Variants in SPHK1 observed in about 807,000 individuals in gnomAD.
SPHK1 encodes the protein sphingosine kinase 1.
SPHK1 carries 10 observed loss-of-function variants against 14.6 expected under a neutral mutation model. The ratio of observed to expected loss-of-function variants is 0.68; its 90% CI spans 0.42 to 1.16. The LOEUF is 1.16. SPHK1 is among the 50% of genes most tolerant of loss of function. The probability of loss-of-function intolerance (pLI) is 0.00; values close to 1 mark genes in which losing one functional copy is unlikely to be tolerated. For synonymous variants in SPHK1, 274 were observed against 224.0 expected (o/e 1.22, Z -1.99); for missense variants, 553 against 525.4 (o/e 1.05, Z -0.51).
rs750596373 is a variant in SPHK1, at chr17:76,386,908, G to A, written c.477G>A (p.Ser159=). The change falls in exon 6 of 6, where the codon TCG becomes TCA. Residue 159 remains serine, a synonymous_variant. Coordinates refer to ENST00000592299, the MANE Select transcript of SPHK1 (RefSeq NM_001142601.2). This position sits in a 1 kb window ranked among gnomAD's most constrained non-coding sequence, Gnocchi z 5.3. ...ACCTGCTGTCTCTGCACACGGCTTCGGGGCTGCGCCTCTTCTCTGTGCTCA... is the reference window on the plus strand; with the variant it reads ...ACCTGCTGTCTCTGCACACGGCTTCAGGGCTGCGCCTCTTCTCTGTGCTCA... ...PMNLLSLHTA[S]GLRLFSVLSL... The A allele has an allele frequency of 3.1e-6, 5 of 1,612,438 alleles. No individual in the cohort carries two copies. The highest frequency in any genetic ancestry group is 4.2e-6 in the Non-Finnish European group (5 of 1,179,204).
Position 76,385,181 on chromosome 17 carries a change from G to C in SPHK1, c.-194-270G>C. 6.3e-7 allele frequency: 1 copy of C among 1,579,874 alleles called. No individual in the cohort carries two copies. Among genetic ancestry groups the C allele is most frequent in the Non-Finnish European group, 8.6e-7 (1 of 1,164,306 alleles). ...GGCAGCCCCGAGGGGTGAGGAGCTA[G>C]TCCGTCGGAGGGAGCCACGGGGCTC... On this transcript the variant is annotated intron_variant, in intron 1 of 5. Coordinates refer to ENST00000592299, the MANE Select transcript of SPHK1 (RefSeq NM_001142601.2). The surrounding 1 kb of genome is among the most constrained non-coding windows in gnomAD (Gnocchi z 5.3).
Position 76,386,288 on chromosome 17 carries a change from C to T in SPHK1, c.231C>T (p.Val77=), listed in dbSNP as rs745613744. 1 of 1,602,050 alleles carries T rather than the reference C, an allele frequency of 6.2e-7. No homozygotes were observed. The highest frequency in any genetic ancestry group is 2.2e-5 in the East Asian group (1 of 44,730). ...TGGGCCGCTGGGACGCTCTGGTGGT[C>T]ATGTCTGGAGACGGGCTGATGCACG... ...EELGRWDALV[V]MSGDGLMHEV... The change falls in exon 4 of 6, where the codon GTC becomes GTT. Residue 77 remains valine (V), a synonymous_variant. Transcript: ENST00000592299. This position sits in a 1 kb window ranked among gnomAD's most constrained non-coding sequence, Gnocchi z 5.3.
Position 76,387,111 on chromosome 17 carries a change from T to C in SPHK1, c.680T>C (p.Val227Ala). The part of the protein sequence containing the change: ...RVGSKTPASP[V>A]VVQQGPVDAH... ...GGTTCCAAGACACCTGCCTCCCCCGTTGTGGTCCAGCAGGGCCCGGTAGAT... is the reference window on the plus strand; with the variant it reads ...GGTTCCAAGACACCTGCCTCCCCCGCTGTGGTCCAGCAGGGCCCGGTAGAT... Residue 227 changes from valine (V) to alanine (A), a missense_variant, in exon 6 of 6, where the codon GTT becomes GCT. Coordinates refer to ENST00000592299, the MANE Select transcript of SPHK1 (RefSeq NM_001142601.2). The surrounding 1 kb of genome is among the most constrained non-coding windows in gnomAD (Gnocchi z 4.1). 1.2e-6 allele frequency: 2 copies of C among 1,613,216 alleles called. No individual in the cohort carries two copies. Among genetic ancestry groups the C allele is most frequent in the Non-Finnish European group, 8.5e-7 (1 of 1,180,012 alleles).
In SPHK1 at chr17:76,386,526, G is replaced by C. The variant is rs2071987456; in HGVS notation, c.374+18G>C. On this transcript the variant is annotated intron_variant, in intron 5 of 5. Coordinates refer to ENST00000592299, the MANE Select transcript of SPHK1 (RefSeq NM_001142601.2). The surrounding 1 kb of genome is among the most constrained non-coding windows in gnomAD (Gnocchi z 5.3). ...TATGCTGGGTGAGAGCCCAGGGCCA[G>C]AGTAGGCCTGTTTCCCGTCAGTGCT... The C allele has an allele frequency of 6.2e-7, 1 of 1,602,226 alleles. No individual in the cohort carries two copies. Among genetic ancestry groups the C allele is most frequent in the Non-Finnish European group, 8.5e-7 (1 of 1,173,486 alleles).
chr17:76,386,301 G>A lies in SPHK1; in HGVS notation c.244G>A (p.Gly82Arg), dbSNP rs748242677. 5.6e-6 allele frequency: 9 copies of A among 1,603,906 alleles called. No individual in the cohort carries two copies. In the South Asian group the frequency reaches 7.7e-5, roughly 14 times the overall value. Residue 82 changes from glycine (G) to arginine (R), a missense_variant, in exon 4 of 6, where the codon GGG (glycine) becomes AGG (arginine). Physicochemically the swap from Gly to Arg is moderately radical, Grantham distance 125. Coordinates refer to ENST00000592299, the MANE Select transcript of SPHK1 (RefSeq NM_001142601.2). This position sits in a 1 kb window ranked among gnomAD's most constrained non-coding sequence, Gnocchi z 5.3. ...CGCTCTGGTGGTCATGTCTGGAGAC[G>A]GGCTGATGCACGAGGTGAGGACCGC... ...WDALVVMSGDGLMHEVVNGLM... is the reference protein window; with the variant it reads ...WDALVVMSGDRLMHEVVNGLM...
At position 76,386,073 on chromosome 17, in the gene SPHK1, C is replaced by A. The variant is rs746558605; in HGVS notation, c.99C>A (p.Leu33=). 3 of 1,606,970 alleles carry A rather than the reference C, an allele frequency of 1.9e-6. No individual in the cohort carries two copies. Among genetic ancestry groups the A allele is most frequent in the East Asian group, 2.2e-5 (1 of 44,702 alleles). Residue 33 remains leucine (L), a synonymous_variant, in exon 3 of 6, where the codon CTC becomes CTA. Coordinates refer to ENST00000592299, the MANE Select transcript of SPHK1 (RefSeq NM_001142601.2). This position sits in a 1 kb window ranked among gnomAD's most constrained non-coding sequence, Gnocchi z 5.3. ...GCGGCAAGGGCAAGGCCTTGCAGCT[C>A]TTCCGGAGTCACGTGCAGCCCCTTT... ...PRGGKGKALQ[L]FRSHVQPLLA... is the part of the protein sequence containing the mutation.
Position 76,387,009 on chromosome 17 carries a change from C to T in SPHK1, c.578C>T (p.Thr193Ile). Residue 193 changes from threonine (T) to isoleucine (I), a missense_variant, in exon 6 of 6, where the codon ACT becomes ATT. Physicochemically the swap from Thr to Ile is moderately conservative, Grantham distance 89. Coordinates refer to ENST00000592299, the MANE Select transcript of SPHK1 (RefSeq NM_001142601.2). The surrounding 1 kb of genome is among the most constrained non-coding windows in gnomAD (Gnocchi z 4.1). ...CGGCGTCTGGGGGAGATGCGCTTCA[C>T]TCTGGGCACCTTCCTGCGTCTGGCA... ...KYRRLGEMRF[T>I]LGTFLRLAAL... The T allele has an allele frequency of 1.2e-6, 2 of 1,613,656 alleles. No homozygotes were observed. The highest frequency in any genetic ancestry group is 1.7e-6 in the Non-Finnish European group (2 of 1,179,990).
At position 76,387,288 on chromosome 17, in the gene SPHK1, A is replaced by T; in HGVS notation, c.857A>T (p.His286Leu). Residue 286 changes from histidine (H) to leucine (L), a missense_variant, in exon 6 of 6, where the codon CAT becomes CTT. Physicochemically the swap from His to Leu is moderately conservative, Grantham distance 99. Coordinates refer to ENST00000592299, the MANE Select transcript of SPHK1 (RefSeq NM_001142601.2). This position sits in a 1 kb window ranked among gnomAD's most constrained non-coding sequence, Gnocchi z 4.1. The part of the protein sequence containing the change: ...PMGRCAAGVM[H>L]LFYVRAGVSR... ...GGCCGCTGTGCAGCTGGCGTCATGC[A>T]TCTGTTCTACGTGCGGGCGGGAGTG... 6.2e-7 allele frequency: 1 copy of T among 1,613,460 alleles called. No homozygotes were observed. The highest frequency in any genetic ancestry group is 8.5e-7 in the Non-Finnish European group (1 of 1,179,940).
Position 76,385,188 on chromosome 17 carries a change from G to C in SPHK1, c.-194-263G>C, listed in dbSNP as rs1222907692. 1 of 1,574,372 alleles carries C rather than the reference G, an allele frequency of 6.4e-7. No individual in the cohort carries two copies. Among genetic ancestry groups the C allele is most frequent in the African/African-American group, 1.3e-5 (1 of 74,250 alleles). ...CCGAGGGGTGAGGAGCTAGTCCGTCGGAGGGAGCCACGGGGCTCTGACTCA... is the reference window on the plus strand; with the variant it reads ...CCGAGGGGTGAGGAGCTAGTCCGTCCGAGGGAGCCACGGGGCTCTGACTCA... On this transcript the variant is annotated intron_variant, in intron 1 of 5. Coordinates refer to ENST00000592299, the MANE Select transcript of SPHK1 (RefSeq NM_001142601.2). The surrounding 1 kb of genome is among the most constrained non-coding windows in gnomAD (Gnocchi z 5.3).
In SPHK1 at chr17:76,387,414, G is replaced by A. The variant is rs1299687608; in HGVS notation, c.983G>A (p.Arg328His). Residue 328 changes from arginine to histidine, a missense_variant, in exon 6 of 6, where the codon CGC (arginine) becomes CAC (histidine). Coordinates refer to ENST00000592299, the MANE Select transcript of SPHK1 (RefSeq NM_001142601.2). This position sits in a 1 kb window ranked among gnomAD's most constrained non-coding sequence, Gnocchi z 4.1. Reference protein sequence around the residue: ...YLVYVPVVAFRLEPKDGKGVF... With the variant: ...YLVYVPVVAFHLEPKDGKGVF... The stretch of plus-strand genomic sequence containing the variant: ...GTATATGTGCCCGTGGTCGCCTTCC[G>A]CTTGGAGCCCAAGGATGGGAAAGGT... The A allele has an allele frequency of 3.7e-6, 6 of 1,613,634 alleles. No homozygotes were observed. Among genetic ancestry groups the A allele is most frequent in the East Asian group, 4.5e-5 (2 of 44,868 alleles).
chr17:76,385,491 C>T lies in SPHK1; in HGVS notation c.-154C>T. 6.4e-7 allele frequency: 1 copy of T among 1,557,862 alleles called. No individual in the cohort carries two copies. The highest frequency in any genetic ancestry group is 8.6e-7 in the Non-Finnish European group (1 of 1,159,674). On this transcript the variant is annotated 5_prime_UTR_variant, in exon 2 of 6. Transcript: ENST00000592299. This position sits in a 1 kb window ranked among gnomAD's most constrained non-coding sequence, Gnocchi z 5.3. ...GGAATGACGCCGGTGCTCCTGCAGC[C>T]ACGGCTCCGGGCGGGGAAGGCGAGC...
At chr17:76,383,635 G>A (rs2071906889), upstream of SPHK1, 2 of 342,672 alleles carry the variant, frequency 5.8e-6, no homozygotes, top group South Asian at 4.0e-5. Context: ...TCACCAATGG[G>A]CCTTGGCAAC....
Position 76,386,052 on chromosome 17 carries a change from C to T in SPHK1, c.78C>T (p.Gly26=). 1 of 1,608,572 alleles carries T rather than the reference C, an allele frequency of 6.2e-7. No homozygotes were observed. The highest frequency in any genetic ancestry group is 8.5e-7 in the Non-Finnish European group (1 of 1,177,676). ...RVLVLLNPRG[G]KGKALQLFRS... The stretch of plus-strand genomic sequence containing the variant: ...TGGTGCTGCTGAACCCGCGCGGCGG[C>T]AAGGGCAAGGCCTTGCAGCTCTTCC... The change falls in exon 3 of 6, where the codon GGC becomes GGT. Residue 26 remains glycine, a synonymous_variant. Coordinates refer to ENST00000592299, the MANE Select transcript of SPHK1 (RefSeq NM_001142601.2). The surrounding 1 kb of genome is among the most constrained non-coding windows in gnomAD (Gnocchi z 5.3).
rs145677246 is a variant in SPHK1, at chr17:76,386,970, A to G, written c.539A>G (p.Glu180Gly). 1.2e-6 allele frequency: 2 copies of G among 1,613,486 alleles called. No homozygotes were observed. The highest frequency in any genetic ancestry group is 1.7e-6 in the Non-Finnish European group (2 of 1,179,926). Residue 180 changes from glutamate (E) to glycine (G), a missense_variant, in exon 6 of 6, where the codon GAG (glutamate) becomes GGG (glycine). By Grantham distance (98) the Glu-to-Gly change is moderately conservative. Transcript: ENST00000592299. The surrounding 1 kb of genome is among the most constrained non-coding windows in gnomAD (Gnocchi z 5.3). The stretch of plus-strand genomic sequence containing the variant: ...GGCTTCATTGCTGATGTGGACCTAG[A>G]GAGTGAGAAGTATCGGCGTCTGGGG... ...AWGFIADVDL[E>G]SEKYRRLGEM... is the part of the protein sequence containing the mutation.
At chr17:76,383,571 C>G (rs1037293496), upstream of SPHK1, 1 of 261,188 alleles carries the variant, frequency 3.8e-6, no homozygotes, top group Non-Finnish European at 7.8e-6. Flanking sequence ...GCGCGAGCCC[C>G]GCAGCCTCCC....
In SPHK1 at chr17:76,385,462, G is replaced by A. The variant is rs749958859; in HGVS notation, c.-183G>A. The A allele has an allele frequency of 1.9e-6, 3 of 1,552,816 alleles. No homozygotes were observed. The highest frequency in any genetic ancestry group is 2.4e-5 in the East Asian group (1 of 42,516). ...CTTCTCTCCCTCAGGTCCAGCCGCC[G>A]CAGGGAATGACGCCGGTGCTCCTGC... On this transcript the variant is annotated 5_prime_UTR_variant, in exon 2 of 6. Transcript: ENST00000592299. The surrounding 1 kb of genome is among the most constrained non-coding windows in gnomAD (Gnocchi z 5.3).
rs756032012 is a variant in SPHK1 at position 76,386,182 on chromosome 17, G to A, written c.164-39G>A. The stretch of plus-strand genomic sequence containing the variant: ...GGTTTCGGGAGCATCCCCTGGCAGG[G>A]GACCCCCCCAGTCCTGATAGCTGCC... On this transcript the variant is annotated intron_variant, in intron 3 of 5. Transcript: ENST00000592299. The surrounding 1 kb of genome is among the most constrained non-coding windows in gnomAD (Gnocchi z 5.3). 1 of 1,589,446 alleles carries A rather than the reference G, an allele frequency of 6.3e-7. No homozygotes were observed. The highest frequency in any genetic ancestry group is 1.1e-5 in the South Asian group (1 of 90,468).
rs2072022652 is a variant in SPHK1 at position 76,387,796 on chromosome 17, T to A, written c.*210T>A. ...TGGGCCCAGCTGCCTATGTAAGGCC[T>A]TCTAGTTTGTTCTGAGACCCCCACC... On this transcript the variant is annotated 3_prime_UTR_variant, in exon 6 of 6. Coordinates refer to ENST00000592299, the MANE Select transcript of SPHK1 (RefSeq NM_001142601.2). The surrounding 1 kb of genome is among the most constrained non-coding windows in gnomAD (Gnocchi z 4.1). The A allele has an allele frequency of 5.4e-6, 3 of 552,014 alleles. No homozygotes were observed. Among genetic ancestry groups the A allele is most frequent in the Non-Finnish European group, 9.4e-6 (3 of 320,028 alleles). The allele number at this position is 552,014 out of a possible 1,614,324, so 34.2% of individuals were successfully genotyped here.
At chr17:76,383,884 G>A (rs1292745108), upstream of SPHK1, 3 of 1,267,832 alleles carry the variant, frequency 2.4e-6, no homozygotes, top group East Asian at 1.2e-4. Context: ...GGGCCCCCAG[G>A]CCCATCTACA....
Sources: gnomAD v4.1 joint callset for allele counts on GRCh38, gnomAD v4.1.1 for gene constraint, Gnocchi (gnomAD v3.1) non-coding constraint, MANE v1.5 for transcripts, NCBI Gene and HGNC (gene_info 2026-07-23, HGNC 2026-07-21) for gene names.